The following MAPKBP1 variants were observed in gnomAD, a reference collection of about 807,000 sequenced individuals.
The protein encoded by MAPKBP1 is mitogen-activated protein kinase binding protein 1.
Under a neutral mutation model 170.5 loss-of-function variants are expected in MAPKBP1, and 71 were observed. That is an observed-to-expected ratio of 0.42 (90% CI 0.34 to 0.51). The LOEUF is 0.51. MAPKBP1 is among the 20% of genes least tolerant of loss of function. The pLI is 0.06. For synonymous variants in MAPKBP1, 719 were observed against 757.9 expected, an observed-to-expected ratio of 0.95 and a Z score of 0.84; for missense variants, 1,598 against 1,933.0, an observed-to-expected ratio of 0.83 and a Z score of 3.25.
In MAPKBP1 at chr15:41,775,246, G is replaced by C. The variant is rs1018361031; in HGVS notation, c.-30G>C. On this transcript the variant is annotated 5_prime_UTR_variant, in exon 2 of 31. Transcript: ENST00000457542. ...TTGAGACAAGACCCAGGACTGGGCCGGGGACTGTCCCAAAGGGTTTCTCGT... is the reference window on the plus strand; with the variant it reads ...TTGAGACAAGACCCAGGACTGGGCCCGGGACTGTCCCAAAGGGTTTCTCGT... The C allele has an allele frequency of 1.3e-6, 2 of 1,570,948 alleles. No individual in the cohort carries two copies. Among genetic ancestry groups the C allele is most frequent in the Non-Finnish European group, 1.8e-6 (2 of 1,141,124 alleles).
In MAPKBP1 at chr15:41,775,217, G is replaced by C. The variant is rs1596055768; in HGVS notation, c.-59G>C. Reference sequence around the variant, plus strand: ...CCCTCTGGAGTGGGAAGACAGTGCCGCTGTTGAGACAAGACCCAGGACTGG... The same window carrying C: ...CCCTCTGGAGTGGGAAGACAGTGCCCCTGTTGAGACAAGACCCAGGACTGG... On this transcript the variant is annotated 5_prime_UTR_variant, in exon 2 of 31. Transcript: ENST00000457542. 4 of 1,386,138 alleles carry C rather than the reference G, an allele frequency of 2.9e-6. No individual in the cohort carries two copies. Among genetic ancestry groups the C allele is most frequent in the Non-Finnish European group, 4.1e-6 (4 of 976,882 alleles). 85.9% of individuals were successfully genotyped at this position (1,386,138 alleles called of 1,614,324 possible). A position where few individuals can be genotyped will look rare whatever the true frequency, so the allele number is the denominator to read the frequency against.
At chr15:41,786,021 G>A (rs2064280676) in intron 2 of MAPKBP1, among the ~76,000 whole-genome samples, 1 of 152,152 alleles carries the variant, frequency 6.6e-6, no homozygotes. Context: ...ACATCAATAA[G>A]ATGAAATTCC....
Position 41,817,325 on chromosome 15 carries a change from G to A in MAPKBP1, c.1712-63G>A. 2 of 1,531,514 alleles carry A rather than the reference G, an allele frequency of 1.3e-6. No individual in the cohort carries two copies. Among genetic ancestry groups the A allele is most frequent in the South Asian group, 1.1e-5 (1 of 89,354 alleles). 94.9% of individuals were successfully genotyped at this position (1,531,514 alleles called of 1,614,324 possible). A position where few individuals can be genotyped will look rare whatever the true frequency, so the allele number is the denominator to read the frequency against. ...ATGGGGGATCTCATGGAGGGAAGGT[G>A]GGAGGCAGGCTGCTCCCATGTGGTG... On this transcript the variant is annotated intron_variant, in intron 14 of 30. Transcript: ENST00000457542. The surrounding 1 kb of genome is among the most constrained non-coding windows in gnomAD (Gnocchi z 4.2).
At chr15:41,811,889 A>T in intron 5 of MAPKBP1, 68 bp from the exon 6 acceptor site, 1 of 1,553,238 alleles carries the variant, frequency 6.4e-7, no homozygotes, top group Non-Finnish European at 8.8e-7. Flanking sequence ...CCCGCTCTGG[A>T]AGACGAAGTG....
At chr15:41,783,876 G>A (rs775557629) in intron 2 of MAPKBP1, among the ~76,000 whole-genome samples, 10 of 152,174 alleles carry the variant, frequency 6.6e-5, no homozygotes, top group African/African-American at 1.7e-4. Flanking sequence ...GGGCGTGGTC[G>A]CGGGTGCCTG....
At chr15:41,810,767 C>T in intron 3 of MAPKBP1, 116 bp from the exon 4 acceptor site, 1 of 705,142 alleles carries the variant, frequency 1.4e-6, no homozygotes, top group Non-Finnish European at 2.5e-6. Context: ...TGGAGCCCTT[C>T]TGAGCTCTTT....
At chr15:41,801,174 C>G (rs1340489617) in intron 3 of MAPKBP1, among the ~76,000 whole-genome samples, 1 of 152,196 alleles carries the variant, frequency 6.6e-6, no homozygotes, top group Non-Finnish European at 1.5e-5. Context: ...GTTGTTTCTA[C>G]TTCTTAGCTA....
Position 41,814,746 on chromosome 15 carries a change from G to GGGCT in MAPKBP1, c.1170+22_1170+25dup, listed in dbSNP as rs778430824. ...CTGCGTCTGGAGTGTGGAGGTATGT[G>GGGCT]GGCTGGCTGGCTGGCTGGAGACTGG... On this transcript the variant is annotated splice_region_variant and intron_variant, in intron 10 of 30. Coordinates refer to ENST00000457542, the MANE Select transcript of MAPKBP1 (RefSeq NM_014994.3). 63 of 1,613,084 alleles carry GGGCT rather than the reference G, an allele frequency of 3.9e-5. No individual in the cohort carries two copies. The Admixed American group carries it at 4.3e-4, about 11-fold the overall frequency.
intron 23 of MAPKBP1, 130 bp from the exon 24 acceptor site, chr15:41,821,454 G>A (rs764995794): frequency 3.3e-5 from 27 of 820,968 alleles, no homozygotes; most frequent in South Asian, 4.8e-5. Flanking sequence ...AGTGCACACC[G>A]CATCCTTACT....
At chr15:41,813,290 CTCTT>C in intron 8 of MAPKBP1, 189 bp downstream of exon 8, 1 of 1,527,534 alleles carries the variant, frequency 6.5e-7, no homozygotes, top group East Asian at 2.3e-5. Context: ...CTCCTCTCTG[CTCTT>C]TCTGTCTCTT....
rs374960620 is a variant in MAPKBP1 at position 41,807,996 on chromosome 15, G to A, written c.207-2887G>A. On this transcript the variant is annotated intron_variant, in intron 3 of 30. Transcript: ENST00000457542. ...GGAGGTTGCAGTGAGCCGAGATCAC[G>A]CCACTGCACTCCAGCCTGGGTGATA... 3.3e-5 allele frequency among the ~76,000 whole-genome samples: 5 copies of A among 149,638 alleles called. No homozygotes were observed. In the East Asian group the frequency reaches 9.9e-4, roughly 30 times the overall value.
intron 2 of MAPKBP1, among the ~76,000 whole-genome samples, chr15:41,795,289 T>G (rs2152072593): frequency 6.6e-6 from 1 of 152,204 alleles, no homozygotes; most frequent in East Asian, 1.9e-4. Flanking sequence ...AGCAAAGACT[T>G]CAGGAAATTA....
At chr15:41,820,390 G>T (rs1486327064) in intron 22 of MAPKBP1, among the ~76,000 whole-genome samples, 1 of 152,128 alleles carries the variant, frequency 6.6e-6, no homozygotes, top group African/African-American at 2.4e-5. Context: ...GGGGTAGACA[G>T]GCAGAAGTGG....
intron 2 of MAPKBP1, among the ~76,000 whole-genome samples, chr15:41,785,051 A>G (rs1480751152): frequency 2.0e-5 from 3 of 152,218 alleles, no homozygotes; most frequent in Admixed American, 1.3e-4. Context: ...ATGAGATTTA[A>G]TGAATTTGAA....
chr15:41,786,450 T>C (rs2064288872), intron 2 of MAPKBP1, among the ~76,000 whole-genome samples: 1 of 152,110 alleles, frequency 6.6e-6, no homozygotes, highest in African/African-American at 2.4e-5. Flanking sequence ...AAAGCAGTTA[T>C]GCACAAATGC....
At chr15:41,798,846 C>T (rs2064543104) in intron 2 of MAPKBP1, among the ~76,000 whole-genome samples, 2 of 152,322 alleles carry the variant, frequency 1.3e-5, no homozygotes, top group South Asian at 2.1e-4. Flanking sequence ...TGAAGCCCCA[C>T]TCTCTGAGCC....
intron 3 of MAPKBP1, among the ~76,000 whole-genome samples, chr15:41,801,138 C>A (rs2064585916): frequency 6.6e-6 from 1 of 152,226 alleles, no homozygotes; most frequent in African/African-American, 2.4e-5. Context: ...CACATTTTAT[C>A]TATTCTTCAG....
chr15:41,804,299 A>G (rs2064653501), intron 3 of MAPKBP1, among the ~76,000 whole-genome samples: 2 of 152,222 alleles, frequency 1.3e-5, no homozygotes. Flanking sequence ...CTGGTGTTTA[A>G]TGGCTGCAGT....
chr15:41,822,414 C>T lies in MAPKBP1; in HGVS notation c.3221C>T (p.Ala1074Val). 6.2e-7 allele frequency: 1 copy of T among 1,613,900 alleles called. No individual in the cohort carries two copies. Among genetic ancestry groups the T allele is most frequent in the Non-Finnish European group, 8.5e-7 (1 of 1,179,968 alleles). ...CACTTTGAGACTCTGGCCAGTGGAG[C>T]TGCTCCAGGTGTGGTCAGAGGGCCA... is the stretch of plus-strand genomic sequence containing the variant. ...KQHFETLASGAAPGAPVQVPE... is the reference protein window; with the variant it reads ...KQHFETLASGVAPGAPVQVPE... The change falls in exon 26 of 31, where the codon GCT (alanine) becomes GTT (valine). Residue 1074 changes from alanine (A) to valine (V), a missense_variant. Ala to Val is a moderately conservative substitution (Grantham distance 64). Transcript: ENST00000457542.
Sources: gnomAD v4.1 joint callset for allele counts (sites outside exome capture counted in the v4.1 genomes callset) on GRCh38, gnomAD v4.1.1 for gene constraint, Gnocchi (gnomAD v3.1) non-coding constraint, MANE v1.5 for transcripts, NCBI Gene and HGNC (gene_info 2026-07-23, HGNC 2026-07-21) for gene names.